SLC25A48: variants seen among roughly 807,000 people sequenced by gnomAD.
SLC25A48 encodes CTC-321K16.1.
In SLC25A48, 29 loss-of-function variants were observed where a neutral mutation model predicts 32.2. That is an observed-to-expected ratio of 0.90 (90% CI 0.67 to 1.23). The LOEUF (loss-of-function observed/expected upper bound fraction) is 1.23. SLC25A48 is among the 50% of genes most tolerant of loss of function. The pLI, the probability that SLC25A48 is intolerant of heterozygous loss-of-function variation, is 0.00. For synonymous variants in SLC25A48, 164 were observed against 172.3 expected (o/e 0.95, Z 0.38); for missense variants, 399 against 422.7 (o/e 0.94, Z 0.49).
In SLC25A48 at chr5:135,661,941, A is replaced by G. The variant is rs1364759769; in HGVS notation, c.-521+26985A>G. 2.0e-5 allele frequency among the ~76,000 whole-genome samples: 3 copies of G among 152,336 alleles called. No individual in the cohort carries two copies. The East Asian group carries it at 5.8e-4, about 29-fold the overall frequency. On this transcript the variant is annotated intron_variant, in intron 3 of 10. Coordinates refer to the SLC25A48 transcript ENST00000646290. ...TTTGCCTTTACAAGTTGCAGTAAAC[A>G]TTCTCAAGAATAGGTGCCTGAGAGT...
At chr5:135,700,578 G>T (rs1754372253) in intron 3 of SLC25A48, among the ~76,000 whole-genome samples, 1 of 152,158 alleles carries the variant, frequency 6.6e-6, no homozygotes, top group Non-Finnish European at 1.5e-5. Flanking sequence ...GGTGGCCCCT[G>T]TGTGTTTGCT....
chr5:135,703,617 C>T (rs1482724315), intron 3 of SLC25A48, among the ~76,000 whole-genome samples: 1 of 152,198 alleles, frequency 6.6e-6, no homozygotes, highest in African/African-American at 2.4e-5. Flanking sequence ...GGAAACCTTC[C>T]TTGACTCTCC....
intron 4 of SLC25A48, among the ~76,000 whole-genome samples, chr5:135,854,035 G>A (rs1204315773): frequency 6.6e-6 from 1 of 152,206 alleles, no homozygotes; most frequent in Admixed American, 6.5e-5. Context: ...TTGTCAATGA[G>A]CAGTAATATT....
chr5:135,818,500 T>C (rs1269315814), intron 4 of SLC25A48, among the ~76,000 whole-genome samples: 1 of 152,148 alleles, frequency 6.6e-6, no homozygotes, highest in Non-Finnish European at 1.5e-5. Flanking sequence ...CCCAAATGAA[T>C]ACAGCAAATG....
intron 3 of SLC25A48, among the ~76,000 whole-genome samples, chr5:135,774,028 C>G (rs4566785): frequency 0.76 from 114,187 of 150,802 alleles, 43,719 homozygotes; most frequent in Middle Eastern, 0.87. Flanking sequence ...CGCAGGCAGT[C>G]TACACCTCCC....
chr5:135,814,705 C>A (rs1757673758), intron 4 of SLC25A48, among the ~76,000 whole-genome samples: 1 of 152,162 alleles, frequency 6.6e-6, no homozygotes, highest in Non-Finnish European at 1.5e-5. Context: ...TCTGAATCCC[C>A]AGCCCTGGTG....
At chr5:135,882,533 T>C (rs1268094030) in intron 7 of SLC25A48, among the ~76,000 whole-genome samples, 5 of 152,146 alleles carry the variant, frequency 3.3e-5, no homozygotes, top group African/African-American at 1.2e-4. Context: ...ACTTGAGAAT[T>C]GTTTCTAAGA....
At chr5:135,767,288 C>T (rs1016242325) in intron 3 of SLC25A48, among the ~76,000 whole-genome samples, 1 of 150,738 alleles carries the variant, frequency 6.6e-6, no homozygotes, top group Non-Finnish European at 1.5e-5. Flanking sequence ...GTCCAGAAGG[C>T]GAGAGGATGA....
intron 3 of SLC25A48, among the ~76,000 whole-genome samples, chr5:135,787,711 C>T (rs971332962): frequency 5.3e-5 from 8 of 150,998 alleles, no homozygotes; most frequent in South Asian, 2.1e-4. Context: ...TGATATTATT[C>T]GTAACATTTT....
chr5:135,880,419 G>A (rs1480502116), intron 7 of SLC25A48, among the ~76,000 whole-genome samples: 3 of 152,006 alleles, frequency 2.0e-5, no homozygotes, highest in African/African-American at 7.3e-5. Context: ...CTGTGCAGAT[G>A]CAAGTGACCC....
At chr5:135,665,629 G>A (rs370843508) in intron 3 of SLC25A48, among the ~76,000 whole-genome samples, 17 of 152,106 alleles carry the variant, frequency 1.1e-4, no homozygotes, top group African/African-American at 3.1e-4. Context: ...TAGGGATCGC[G>A]TTTTACATGT....
At chr5:135,882,979 T>C in intron 7 of SLC25A48, 1 of 931,960 alleles carries the variant, frequency 1.1e-6, no homozygotes, top group Non-Finnish European at 1.3e-6. Flanking sequence ...AAACCCAGTC[T>C]CCAAATGGGT....
chr5:135,821,377 G>T (rs1485696433), intron 4 of SLC25A48, among the ~76,000 whole-genome samples: 1 of 152,182 alleles, frequency 6.6e-6, no homozygotes, highest in African/African-American at 2.4e-5. Context: ...AGTGACAAGG[G>T]CAGAGACTGG....
At chr5:135,839,143 C>T (rs890547096) in intron 1 of SLC25A48, among the ~76,000 whole-genome samples, 2 of 152,220 alleles carry the variant, frequency 1.3e-5, no homozygotes, top group African/African-American at 4.8e-5. Context: ...GGTGACCTCT[C>T]AGAGCACTTT....
chr5:135,828,122 C>T (rs568675283), intron 4 of SLC25A48, among the ~76,000 whole-genome samples: 1 of 152,346 alleles, frequency 6.6e-6, no homozygotes, highest in South Asian at 2.1e-4. Context: ...CCAGAGGTTT[C>T]CCATGCTGCA....
intron 5 of SLC25A48, 67 bp from the exon 6 acceptor site, chr5:135,873,954 G>T: frequency 7.0e-7 from 1 of 1,438,544 alleles, no homozygotes; most frequent in Non-Finnish European, 9.1e-7. Flanking sequence ...GTAGAAATCT[G>T]CAAGGAACCA....
At chr5:135,876,525 T>C (rs1762070119) in intron 6 of SLC25A48, 1 of 152,138 alleles carries the variant, frequency 6.6e-6, no homozygotes, top group South Asian at 2.1e-4. Context: ...TTAAAATTTG[T>C]ATTAATCAGT....
chr5:135,874,945 A>G (rs1043094694), intron 6 of SLC25A48: 1 of 417,682 alleles, frequency 2.4e-6, no homozygotes, highest in African/African-American at 2.1e-5. Flanking sequence ...AGCTGGCAGG[A>G]TCCAAGCAAG....
chr5:135,829,107 C>T (rs1758139605), intron 4 of SLC25A48, among the ~76,000 whole-genome samples: 1 of 152,196 alleles, frequency 6.6e-6, no homozygotes, highest in African/African-American at 2.4e-5. Flanking sequence ...TTGATGACTG[C>T]ATGATAGAGG....
Sources: allele counts gnomAD v4.1 joint callset (sites outside exome capture counted in the v4.1 genomes callset), GRCh38; gene constraint gnomAD v4.1.1; transcripts MANE v1.5; gene names NCBI Gene and HGNC (gene_info 2026-07-23, HGNC 2026-07-21).